IL5RA: variants seen among roughly 807,000 people sequenced by gnomAD.
IL5RA encodes the protein interleukin-5 receptor subunit alpha.
A neutral mutation model predicts 50.0 loss-of-function variants in IL5RA; 49 were observed. The ratio of observed to expected loss-of-function variants is 0.98; its 90% CI spans 0.78 to 1.24. The LOEUF is 1.24. Among genes scored for constraint, IL5RA ranks in the 50% most tolerant of loss-of-function variants. The pLI is 0.00. For missense variants in IL5RA, 600 were observed against 500.4 expected (o/e 1.20, Z -1.90); for synonymous variants, 202 against 174.0 (o/e 1.16, Z -1.26).
intron 9 of IL5RA, among the ~76,000 whole-genome samples, chr3:3,090,619 T>G (rs17882794): frequency 0.078 from 11,246 of 143,838 alleles, 553 homozygotes; most frequent in Admixed American, 0.13. Flanking sequence ...CGGGCTGGAG[T>G]GCAGTGGTGC....
chr3:3,095,075 T>C (rs1410406587), intron 8 of IL5RA, among the ~76,000 whole-genome samples: 1 of 152,188 alleles, frequency 6.6e-6, no homozygotes, highest in African/African-American at 2.4e-5. Flanking sequence ...CTGTATCTAA[T>C]CCTTTGTATT....
chr3:3,080,832 C>G (rs1702638286), intron 9 of IL5RA, among the ~76,000 whole-genome samples: 1 of 152,108 alleles, frequency 6.6e-6, no homozygotes, highest in African/African-American at 2.4e-5. Context: ...GTAGCTGGGA[C>G]CACAGGCACG....
chr3:3,085,043 G>C (rs163550), intron 9 of IL5RA, among the ~76,000 whole-genome samples: 115,546 of 152,232 alleles, frequency 0.76, 44,258 homozygotes, highest in African/African-American at 0.84. Flanking sequence ...TCCCTGTTAG[G>C]CCTCCTTCAG....
chr3:3,068,797 A>G lies in IL5RA; in HGVS notation c.*1428T>C, dbSNP rs963520776. 4.6e-5 allele frequency: 7 copies of G among 152,102 alleles called. No individual in the cohort carries two copies. Among genetic ancestry groups the G allele is most frequent in the African/African-American group, 1.7e-4 (7 of 41,360 alleles). 9.4% of individuals were successfully genotyped at this position (152,102 alleles called of 1,614,324 possible). A position where few individuals can be genotyped will look rare whatever the true frequency, so the allele number is the denominator to read the frequency against. ...TGAGCCTGGTATTCAACTCCTCACT[A>G]TGCCATTTCCTATCAACTTCTCTGA... On this transcript the variant is annotated 3_prime_UTR_variant, in exon 12 of 12. Coordinates refer to ENST00000446632, the MANE Select transcript of IL5RA (RefSeq NM_175726.4).
chr3:3,079,729 G>T (rs1485605255), intron 9 of IL5RA, among the ~76,000 whole-genome samples: 2 of 152,090 alleles, frequency 1.3e-5, no homozygotes, highest in Non-Finnish European at 2.9e-5. Flanking sequence ...AATAAAATTG[G>T]TTTTAGAAAA....
At chr3:3,094,106 GT>G (rs1214026480) in intron 8 of IL5RA, among the ~76,000 whole-genome samples, 4 of 152,078 alleles carry the variant, frequency 2.6e-5, no homozygotes, top group African/African-American at 7.2e-5. Flanking sequence ...GTGCTAATGA[GT>G]TTTTTTAATT....
At chr3:3,071,441 C>A (rs562624520) in intron 11 of IL5RA, among the ~76,000 whole-genome samples, 1 of 152,244 alleles carries the variant, frequency 6.6e-6, no homozygotes, top group South Asian at 2.1e-4. Flanking sequence ...CTGGTGAGAT[C>A]TTGTCTCTAT....
intron 9 of IL5RA, among the ~76,000 whole-genome samples, chr3:3,078,834 CAAAAAA>C (rs371826442): frequency 7.4e-6 from 1 of 135,742 alleles, no homozygotes; most frequent in South Asian, 2.3e-4. Flanking sequence ...GACTCCGTCT[CAAAAAA>C]AAAAAAAAAA....
chr3:3,101,023 A>AATG (rs58631001), intron 5 of IL5RA, among the ~76,000 whole-genome samples: 1 of 147,578 alleles, frequency 6.8e-6, no homozygotes, highest in Non-Finnish European at 1.5e-5. Flanking sequence ...TAATAATAAT[A>AATG]CAAAAATTAG....
At chr3:3,094,854 A>C (rs1490589097) in intron 8 of IL5RA, among the ~76,000 whole-genome samples, 1 of 151,814 alleles carries the variant, frequency 6.6e-6, no homozygotes, top group Non-Finnish European at 1.5e-5. Flanking sequence ...CCTGCCCCCG[A>C]GTAGCTGGGA....
rs1703185854 is a variant in IL5RA, at chr3:3,092,797, T to C, written c.856-435A>G. Reference sequence around the variant, plus strand: ...ATGAATGAGCCCTTCTTCTTTTTCCTTCTACTGATCATGGTCGCCACCATC... The same window carrying C: ...ATGAATGAGCCCTTCTTCTTTTTCCCTCTACTGATCATGGTCGCCACCATC... On this transcript the variant is annotated intron_variant, in intron 8 of 11. Transcript: ENST00000446632. The surrounding 1 kb of genome is among the most constrained non-coding windows in gnomAD (Gnocchi z 4.2). Among the ~76,000 whole-genome samples the C allele has an allele frequency of 6.6e-6, 1 of 152,214 alleles. No individual in the cohort carries two copies. The highest frequency in any genetic ancestry group is 6.5e-5 in the Admixed American group (1 of 15,290).
At chr3:3,080,485 T>C (rs1400004038) in intron 9 of IL5RA, among the ~76,000 whole-genome samples, 2 of 152,236 alleles carry the variant, frequency 1.3e-5, no homozygotes, top group African/African-American at 4.8e-5. Context: ...TTGCTTTTCA[T>C]TGAGAACTCT....
At chr3:3,080,032 G>GA (rs1297873410) in intron 9 of IL5RA, among the ~76,000 whole-genome samples, 1 of 150,658 alleles carries the variant, frequency 6.6e-6, no homozygotes, top group Non-Finnish European at 1.5e-5. Context: ...ACACTGTCTC[G>GA]AAAAAAAAGA....
chr3:3,078,868 C>T lies in IL5RA; in HGVS notation c.995-2241G>A, dbSNP rs114219420. ...AAAAAAAAAAATTATTTAAGGGATTCGGGCTGCTTCATTTCCCAGCTCTAA... is the reference window on the plus strand; with the variant it reads ...AAAAAAAAAAATTATTTAAGGGATTTGGGCTGCTTCATTTCCCAGCTCTAA... On this transcript the variant is annotated intron_variant, in intron 9 of 11. Transcript: ENST00000446632. 4.8e-3 allele frequency among the ~76,000 whole-genome samples: 725 copies of T among 151,602 alleles called. 5 individuals are homozygous for T. The highest frequency in any genetic ancestry group is 0.016 in the African/African-American group (668 of 41,252).
chr3:3,090,569 T>C (rs1392374176), intron 9 of IL5RA, among the ~76,000 whole-genome samples: 2 of 139,236 alleles, frequency 1.4e-5, no homozygotes, highest in African/African-American at 3.3e-5. Flanking sequence ...TTCTTTTCTT[T>C]CTTTTTTTTT....
intron 9 of IL5RA, among the ~76,000 whole-genome samples, chr3:3,080,628 C>T (rs938152511): frequency 3.3e-5 from 5 of 152,120 alleles, no homozygotes; most frequent in Non-Finnish European, 4.4e-5. Flanking sequence ...TGCAAACTAC[C>T]GTTTCTCCTG....
Position 3,074,492 on chromosome 3 carries a change from G to A in IL5RA, c.1176+290C>T, listed in dbSNP as rs573436365. 5.9e-5 allele frequency among the ~76,000 whole-genome samples: 9 copies of A among 152,322 alleles called. No homozygotes were observed. The South Asian group carries it at 1.7e-3, about 28-fold the overall frequency. On this transcript the variant is annotated intron_variant, in intron 11 of 11. Transcript: ENST00000446632. ...GCATAATAAAACAATCAGGCAAGCA[G>A]GCATGGTGGCATGCTTCTGCAGTCC...
chr3:3,076,103 C>T lies in IL5RA; in HGVS notation c.1091+428G>A, dbSNP rs538575392. 2.0e-5 allele frequency among the ~76,000 whole-genome samples: 3 copies of T among 152,242 alleles called. No individual in the cohort carries two copies. The East Asian group carries it at 5.8e-4, about 29-fold the overall frequency. On this transcript the variant is annotated intron_variant, in intron 10 of 11. Coordinates refer to ENST00000446632, the MANE Select transcript of IL5RA (RefSeq NM_175726.4). Reference sequence around the variant, plus strand: ...TAATAACCATCAGCCACTCAGGGGCCTGGTGACTTGATAGCTGAGGATGAT... The same window carrying T: ...TAATAACCATCAGCCACTCAGGGGCTTGGTGACTTGATAGCTGAGGATGAT...
intron 11 of IL5RA, among the ~76,000 whole-genome samples, chr3:3,072,062 G>C (rs753151117): frequency 9.2e-5 from 14 of 152,198 alleles, no homozygotes; most frequent in Admixed American, 2.0e-4. Context: ...TTTCCCAGTG[G>C]CCACTGCCCA....
Sources: gnomAD v4.1 joint callset for allele counts (sites outside exome capture counted in the v4.1 genomes callset) on GRCh38, gnomAD v4.1.1 for gene constraint, Gnocchi (gnomAD v3.1) non-coding constraint, MANE v1.5 for transcripts, NCBI Gene and HGNC (gene_info 2026-07-23, HGNC 2026-07-21) for gene names.